PSG1: variants seen among roughly 807,000 people sequenced by gnomAD.
PSG1 encodes the protein pregnancy specific beta-1-glycoprotein 1.
A neutral mutation model predicts 41.4 loss-of-function variants in PSG1; 60 were observed. The observed-to-expected ratio is 1.45, with a 90% CI of 1.18 to 1.80. The LOEUF (loss-of-function observed/expected upper bound fraction) is 1.80, where lower values mean the gene tolerates loss of function less well. Among genes scored for constraint, PSG1 ranks in the 40% most tolerant of loss-of-function variants. The probability of loss-of-function intolerance (pLI) is 0.00; values close to 1 mark genes in which losing one functional copy is unlikely to be tolerated. For synonymous variants in PSG1, 256 were observed against 192.9 expected (o/e 1.33, Z -2.71); for missense variants, 806 against 516.9 (o/e 1.56, Z -5.42).
intron 1 of PSG1, 45 bp downstream of exon 1, chr19:42,879,473 C>T: frequency 1.2e-6 from 2 of 1,603,350 alleles, no homozygotes; most frequent in Non-Finnish European, 1.7e-6. Context: ...CATCCAGTCA[C>T]TCTGCTTCCT....
rs61041467 is a variant in PSG1, at chr19:42,870,753, T to C, written c.709+1014A>G. 3.5e-3 allele frequency: 539 copies of C among 151,868 alleles called. 9 individuals carry two copies. The highest frequency in any genetic ancestry group is 0.012 in the African/African-American group (503 of 41,392). The allele number at this position is 151,868 out of a possible 1,614,324, so 9.4% of individuals were successfully genotyped here. A position where few individuals can be genotyped will look rare whatever the true frequency, so the allele number is the denominator to read the frequency against. ...CATGAAAATGAAATGTCTTTCCATA[T>C]ATTGATATCGTCTTTAATTTCTTTC... On this transcript the variant is annotated intron_variant, in intron 3 of 5. Transcript: ENST00000436291.
At chr19:42,873,783 T>A (rs753596682) in intron 2 of PSG1, among the ~76,000 whole-genome samples, 1 of 151,682 alleles carries the variant, frequency 6.6e-6, no homozygotes, top group Non-Finnish European at 1.5e-5. Flanking sequence ...ATGTGTGTTA[T>A]GTTAGTAAAT....
rs7251722 is a variant in PSG1, at chr19:42,866,879, G to A, written c.*255C>T. The A allele has an allele frequency of 7.7e-6, 5 of 649,948 alleles. No homozygotes were observed. The highest frequency in any genetic ancestry group is 1.1e-5 in the Non-Finnish European group (4 of 357,006). The allele number at this position is 649,948 out of a possible 1,614,324, so 40.3% of individuals were successfully genotyped here. A position where few individuals can be genotyped will look rare whatever the true frequency, so the allele number is the denominator to read the frequency against. On this transcript the variant is annotated 3_prime_UTR_variant, in exon 6 of 6. Coordinates refer to ENST00000436291, the MANE Select transcript of PSG1 (RefSeq NM_001184825.2). ...GAGCCTCATCATGATGGGGAGTCTT[G>A]TTCTGACATCTTGGGAAAAACTGTC...
chr19:42,878,919 A>C (rs1368093441), intron 1 of PSG1, among the ~76,000 whole-genome samples: 1 of 151,420 alleles, frequency 6.6e-6, no homozygotes, highest in African/African-American at 2.4e-5. Context: ...TGCTGAGGAC[A>C]GTGTTTCCTG....
chr19:42,873,939 G>A (rs186294981), intron 2 of PSG1, among the ~76,000 whole-genome samples: 13 of 151,706 alleles, frequency 8.6e-5, no homozygotes, highest in Admixed American at 2.6e-4. Context: ...ATTAGGAAGA[G>A]TCTAAGTGAG....
chr19:42,875,308 A>C (rs1435986927), intron 2 of PSG1, among the ~76,000 whole-genome samples: 1 of 151,772 alleles, frequency 6.6e-6, no homozygotes, highest in Non-Finnish European at 1.5e-5. Context: ...TTGTAAAACT[A>C]GTGAAAGACC....
chr19:42,871,904 TGA>T lies in PSG1; in HGVS notation c.570_571del (p.His191GlnfsTer25). The T allele has an allele frequency of 6.2e-7, 1 of 1,612,452 alleles. No homozygotes were observed. Among genetic ancestry groups the T allele is most frequent in the Non-Finnish European group, 8.5e-7 (1 of 1,179,228 alleles). On this transcript the variant is annotated frameshift_variant, in exon 3 of 6. Coordinates refer to ENST00000436291, the MANE Select transcript of PSG1 (RefSeq NM_001184825.2). LOFTEE classifies it high-confidence loss of function. ...GTTGGTTTCGGACAGCTTCAAGCTG[TGA>T]GTCATAGGGAGGCTCTGACCATTCA...
At position 42,869,354 on chromosome 19, in the gene PSG1, C is replaced by G. The variant is rs1209778634; in HGVS notation, c.710-320G>C. 1.3e-5 allele frequency: 6 copies of G among 470,260 alleles called. No homozygotes were observed. In the South Asian group the frequency reaches 2.4e-4, roughly 19 times the overall value. The allele number at this position is 470,260 out of a possible 1,614,324, so 29.1% of individuals were successfully genotyped here. On this transcript the variant is annotated intron_variant, in intron 3 of 5. Transcript: ENST00000436291. ...CCTCCCTAATCAGTTGACTGGCTGG[C>G]TCACCTTGGGTTCCTTACCTGGAAT...
chr19:42,877,838 C>T lies in PSG1; in HGVS notation c.430+75G>A, dbSNP rs147854678. 1,094 of 1,608,838 alleles carry T rather than the reference C, an allele frequency of 6.8e-4. 19 individuals carry two copies. The African/African-American group carries it at 0.013, about 19-fold the overall frequency. ...GTGAGTGACACAGGCAGAGTCCAGG[C>T]CTGACAATCCTGTGTGTGTGAAGTA... On this transcript the variant is annotated intron_variant, in intron 2 of 5. Coordinates refer to ENST00000436291, the MANE Select transcript of PSG1 (RefSeq NM_001184825.2).
intron 5 of PSG1, 198 bp downstream of exon 5, chr19:42,867,903 A>G (rs1452815807): frequency 2.7e-6 from 4 of 1,479,134 alleles, no homozygotes; most frequent in African/African-American, 1.4e-5. Context: ...TAGGCTGGGA[A>G]TATTATGAAG....
intron 2 of PSG1, among the ~76,000 whole-genome samples, chr19:42,875,054 G>T (rs1030257798): frequency 1.3e-5 from 2 of 151,680 alleles, no homozygotes; most frequent in Non-Finnish European, 2.9e-5. Context: ...CATGGGGTTT[G>T]GGGACAGCAG....
chr19:42,867,849 A>G lies in PSG1; in HGVS notation c.1243+252T>C. 2.3e-6 allele frequency: 3 copies of G among 1,295,946 alleles called. 1 individual carries two copies. The highest frequency in any genetic ancestry group is 2.5e-5 in the East Asian group (1 of 40,580). 80.3% of individuals were successfully genotyped at this position (1,295,946 alleles called of 1,614,324 possible). On this transcript the variant is annotated intron_variant, in intron 5 of 5. Coordinates refer to ENST00000436291, the MANE Select transcript of PSG1 (RefSeq NM_001184825.2). ...AAATCATAAAAACATTATCTTCATT[A>G]TTATCAATTATTTCAATGAAATCAA...
Position 42,869,383 on chromosome 19 carries a change from C to G in PSG1, c.710-349G>C, listed in dbSNP as rs544254115. ...CCTTGGGTTCCTTACCTGGAATATGCAACTGCTGGGCCCCTTCCAAATTCC... is the reference window on the plus strand; with the variant it reads ...CCTTGGGTTCCTTACCTGGAATATGGAACTGCTGGGCCCCTTCCAAATTCC... On this transcript the variant is annotated intron_variant, in intron 3 of 5. Transcript: ENST00000436291. 411 of 379,322 alleles carry G rather than the reference C, an allele frequency of 1.1e-3. 4 individuals carry two copies. Among genetic ancestry groups the G allele is most frequent in the African/African-American group, 4.9e-3 (244 of 49,774 alleles). The allele number at this position is 379,322 out of a possible 1,614,324, so 23.5% of individuals were successfully genotyped here. A position where few individuals can be genotyped will look rare whatever the true frequency, so the allele number is the denominator to read the frequency against.
intron 2 of PSG1, among the ~76,000 whole-genome samples, chr19:42,876,983 C>A (rs1971635078): frequency 6.6e-6 from 1 of 151,506 alleles, no homozygotes; most frequent in African/African-American, 2.4e-5. Flanking sequence ...AGTCACTGTG[C>A]CTTCCTGTGC....
At chr19:42,873,111 G>T (rs1971462362) in intron 2 of PSG1, among the ~76,000 whole-genome samples, 1 of 151,574 alleles carries the variant, frequency 6.6e-6, no homozygotes, top group South Asian at 2.1e-4. Flanking sequence ...GTTGTTCCGT[G>T]GGTGTGCAGT....
rs753927819 is a variant in PSG1 at position 42,878,090 on chromosome 19, C to T, written c.253G>A (p.Asp85Asn). 6.2e-7 allele frequency: 1 copy of T among 1,612,326 alleles called. No individual in the cohort carries two copies. The highest frequency in any genetic ancestry group is 2.2e-5 in the East Asian group (1 of 44,788). Residue 85 changes from aspartate (D) to asparagine (N), a missense_variant, in exon 2 of 6, where the codon GAC becomes AAC. By Grantham distance (23) the Asp-to-Asn change is conservative. Transcript: ENST00000436291. ...GGCCCATATATAATTATTTCACCGT[C>T]TACTACATATGATGTAATGTAATGG... ...LYHYITSYVV[D>N]GEIIIYGPAY...
Position 42,867,209 on chromosome 19 carries a change from T to C in PSG1, c.1244-59A>G, listed in dbSNP as rs1971169200. The C allele has an allele frequency of 1.6e-5, 12 of 763,640 alleles. No homozygotes were observed. The South Asian group carries it at 1.6e-4, about 10-fold the overall frequency. The allele number at this position is 763,640 out of a possible 1,614,324, so 47.3% of individuals were successfully genotyped here. On this transcript the variant is annotated intron_variant, in intron 5 of 5. Coordinates refer to ENST00000436291, the MANE Select transcript of PSG1 (RefSeq NM_001184825.2). Reference sequence around the variant, plus strand: ...AACAGAGCTGCAGTCTCATAACAGGTATACTACAGTTTTTATTTTCCACAT... The same window carrying C: ...AACAGAGCTGCAGTCTCATAACAGGCATACTACAGTTTTTATTTTCCACAT...
intron 2 of PSG1, among the ~76,000 whole-genome samples, chr19:42,874,708 C>T (rs560828773): frequency 3.3e-5 from 5 of 151,626 alleles, no homozygotes; most frequent in South Asian, 2.1e-4. Flanking sequence ...GTGTTAGAAC[C>T]GAGTGACAAA....
At chr19:42,872,898 A>T (rs1235705592) in intron 2 of PSG1, among the ~76,000 whole-genome samples, 1 of 151,796 alleles carries the variant, frequency 6.6e-6, no homozygotes, top group Non-Finnish European at 1.5e-5. Context: ...CTGATGACGG[A>T]AGTCTGGCCC....
Sources: gnomAD v4.1 joint callset for allele counts (sites outside exome capture counted in the v4.1 genomes callset) on GRCh38, gnomAD v4.1.1 for gene constraint, MANE v1.5 for transcripts, NCBI Gene and HGNC (gene_info 2026-07-23, HGNC 2026-07-21) for gene names.